Variants in GRID1 observed in about 807,000 individuals in gnomAD.
GRID1 encodes glutamate ionotropic receptor delta type subunit 1.
In GRID1, 28 loss-of-function variants were observed where a neutral mutation model predicts 98.0. The observed-to-expected ratio is 0.29, with a 90% confidence interval of 0.21 to 0.39. The LOEUF is 0.39. GRID1 is among the 10% of genes least tolerant of loss of function. The pLI is 1.00. For missense variants in GRID1, 1,111 were observed against 1,340.5 expected (o/e 0.83, Z 2.67); for synonymous variants, 553 against 538.5 (o/e 1.03, Z -0.37).
At chr10:85,794,333 T>C (rs1276401882) in intron 8 of GRID1, among the ~76,000 whole-genome samples, 1 of 152,226 alleles carries the variant, frequency 6.6e-6, no homozygotes, top group Non-Finnish European at 1.5e-5. Context: ...GCTATTTCCG[T>C]CCCTGAGATT....
At chr10:85,940,784 G>T (rs1198156596) in intron 4 of GRID1, among the ~76,000 whole-genome samples, 2 of 152,206 alleles carry the variant, frequency 1.3e-5, no homozygotes, top group Admixed American at 1.3e-4. Flanking sequence ...GACCCATGGG[G>T]ACAACTGGGT....
intron 2 of GRID1, among the ~76,000 whole-genome samples, chr10:86,348,897 G>T (rs1362431591): frequency 2.0e-5 from 3 of 152,258 alleles, no homozygotes; most frequent in African/African-American, 7.2e-5. Context: ...ACTCATGCAG[G>T]CTTCTCCTAA....
chr10:86,289,327 A>G (rs1847479028), intron 2 of GRID1, among the ~76,000 whole-genome samples: 1 of 152,180 alleles, frequency 6.6e-6, no homozygotes, highest in South Asian at 2.1e-4. Flanking sequence ...GTCATCCCTC[A>G]TGTCATTATC....
intron 2 of GRID1, among the ~76,000 whole-genome samples, chr10:86,240,569 C>G (rs1031427971): frequency 1.3e-5 from 2 of 151,630 alleles, no homozygotes; most frequent in African/African-American, 4.8e-5. Context: ...GTCCAGGGGC[C>G]CACCTCTTGG....
intron 2 of GRID1, among the ~76,000 whole-genome samples, chr10:86,251,666 T>G (rs1297669142): frequency 6.6e-6 from 1 of 152,048 alleles, no homozygotes; most frequent in Non-Finnish European, 1.5e-5. Context: ...TCCAAAGTTG[T>G]CACACTTCAG....
intron 12 of GRID1, among the ~76,000 whole-genome samples, chr10:85,716,956 A>T (rs986417424): frequency 2.6e-5 from 4 of 152,074 alleles, no homozygotes; most frequent in African/African-American, 9.7e-5. Context: ...GTTGCCAGGG[A>T]CTGGAGTGTG....
chr10:85,976,297 A>C (rs1842471843), intron 4 of GRID1, among the ~76,000 whole-genome samples: 2 of 152,198 alleles, frequency 1.3e-5, no homozygotes, highest in African/African-American at 4.8e-5. Flanking sequence ...CTTTGATCCG[A>C]GTTAATCACA....
Position 85,729,141 on chromosome 10 carries a change from C to A in GRID1, c.1335+372G>T, listed in dbSNP as rs1302741661. On this transcript the variant is annotated intron_variant, in intron 9 of 15. Coordinates refer to ENST00000327946, the MANE Select transcript of GRID1 (RefSeq NM_017551.3). ...GTGCTAAGAGAATGTCCTCCTCCAGCATCTATCTTGGGGTTCTGGCTACCA... is the reference window on the plus strand; with the variant it reads ...GTGCTAAGAGAATGTCCTCCTCCAGAATCTATCTTGGGGTTCTGGCTACCA... Among the ~76,000 whole-genome samples the A allele has an allele frequency of 2.0e-5, 3 of 152,244 alleles. No individual in the cohort carries two copies. The East Asian group carries it at 5.8e-4, about 29-fold the overall frequency.
chr10:86,300,940 G>A (rs1847676840), intron 2 of GRID1, among the ~76,000 whole-genome samples: 1 of 152,198 alleles, frequency 6.6e-6, no homozygotes, highest in Non-Finnish European at 1.5e-5. Flanking sequence ...GAGAGTGGGA[G>A]CTTTGGAAGC....
intron 2 of GRID1, among the ~76,000 whole-genome samples, chr10:86,230,960 C>T (rs1846442207): frequency 6.6e-6 from 1 of 152,212 alleles, no homozygotes; most frequent in African/African-American, 2.4e-5. Flanking sequence ...AGTGGCCACA[C>T]TTCTACCCAA....
At chr10:86,237,244 A>G (rs117959036) in intron 2 of GRID1, among the ~76,000 whole-genome samples, 6,510 of 152,230 alleles carry the variant, frequency 0.043, 255 homozygotes, top group Admixed American at 0.11. Flanking sequence ...AGGGTCTGAT[A>G]TGGTTTGGAT....
At chr10:85,978,044 C>A (rs1177986400) in intron 4 of GRID1, among the ~76,000 whole-genome samples, 1 of 152,216 alleles carries the variant, frequency 6.6e-6, no homozygotes, top group Non-Finnish European at 1.5e-5. Flanking sequence ...TGAAAACATA[C>A]TACTAACTTT....
In GRID1 at chr10:85,648,741, G is replaced by A. The variant is rs530753484; in HGVS notation, c.1998-1344C>T. Among the ~76,000 whole-genome samples the A allele has an allele frequency of 1.4e-4, 22 of 152,286 alleles. No homozygotes were observed. The South Asian group carries it at 1.4e-3, about 10-fold the overall frequency. ...CCTCTAACAACACCTCTACAAGCCC[G>A]TTGAAAATCCAACAGCCAACAGCTG... is the stretch of plus-strand genomic sequence containing the variant. On this transcript the variant is annotated intron_variant, in intron 12 of 15. Coordinates refer to ENST00000327946, the MANE Select transcript of GRID1 (RefSeq NM_017551.3).
At chr10:86,340,654 G>A (rs1220647050) in intron 2 of GRID1, among the ~76,000 whole-genome samples, 3 of 152,190 alleles carry the variant, frequency 2.0e-5, no homozygotes, top group Non-Finnish European at 4.4e-5. Flanking sequence ...GAAGTCACGG[G>A]CTCTTGAAAC....
intron 12 of GRID1, among the ~76,000 whole-genome samples, chr10:85,698,274 T>C (rs1422773498): frequency 6.6e-6 from 1 of 152,204 alleles, no homozygotes; most frequent in Non-Finnish European, 1.5e-5. Context: ...AAAACGGCAA[T>C]GATCCATGTA....
At chr10:85,673,638 AG>A (rs1841112112) in intron 12 of GRID1, among the ~76,000 whole-genome samples, 1 of 152,230 alleles carries the variant, frequency 6.6e-6, no homozygotes, top group Non-Finnish European at 1.5e-5. Context: ...TTTGAGCATA[AG>A]GTACTTTAAA....
In GRID1 at chr10:86,206,373, T is replaced by C; in HGVS notation, c.511A>G (p.Ser171Gly). ...RWQKFVMFYD[S>G]EYDIRGLQSF... Reference sequence around the variant, plus strand: ...CTGCCGGACAACTCACCATACTCGCTGTCGTAGAACATGACGAACTTCTGC... The same window carrying C: ...CTGCCGGACAACTCACCATACTCGCCGTCGTAGAACATGACGAACTTCTGC... The change falls in exon 3 of 16, where the codon AGC (serine) becomes GGC (glycine). Residue 171 changes from serine to glycine, a missense_variant. Physicochemically the swap from Ser to Gly is moderately conservative, Grantham distance 56 (BLOSUM62 0). Coordinates refer to ENST00000327946, the MANE Select transcript of GRID1 (RefSeq NM_017551.3). This position sits in a 1 kb window ranked among gnomAD's most constrained non-coding sequence, Gnocchi z 4.1. The C allele has an allele frequency of 1.9e-6, 3 of 1,598,630 alleles. No homozygotes were observed. Among genetic ancestry groups the C allele is most frequent in the Non-Finnish European group, 2.6e-6 (3 of 1,168,596 alleles).
Position 85,916,528 on chromosome 10 carries a change from A to G in GRID1, c.727-289T>C, listed in dbSNP as rs1263963253. Among the ~76,000 whole-genome samples, 1 of 152,196 alleles carries G rather than the reference A, an allele frequency of 6.6e-6. No individual in the cohort carries two copies. Among genetic ancestry groups the G allele is most frequent in the Non-Finnish European group, 1.5e-5 (1 of 68,038 alleles). ...CAGGGTCACAGGCACAGGCACAGGCACAGCCCCCCTTCCCTAGGAATGCCT... is the reference window on the plus strand; with the variant it reads ...CAGGGTCACAGGCACAGGCACAGGCGCAGCCCCCCTTCCCTAGGAATGCCT... On this transcript the variant is annotated intron_variant, in intron 4 of 15. Coordinates refer to ENST00000327946, the MANE Select transcript of GRID1 (RefSeq NM_017551.3). The surrounding 1 kb of genome is among the most constrained non-coding windows in gnomAD (Gnocchi z 4.0).
At chr10:85,646,951 G>A (rs565361815) in intron 13 of GRID1, 25 of 531,806 alleles carry the variant, frequency 4.7e-5, no homozygotes, top group African/African-American at 4.0e-4. Context: ...CATGAGGAGG[G>A]TGGGCCAAAA....
Sources: gnomAD v4.1 joint callset for allele counts (sites outside exome capture counted in the v4.1 genomes callset) on GRCh38, gnomAD v4.1.1 for gene constraint, Gnocchi (gnomAD v3.1) non-coding constraint, MANE v1.5 for transcripts, NCBI Gene and HGNC (gene_info 2026-07-23, HGNC 2026-07-21) for gene names.